The following SEMA3C variants were observed in gnomAD, a reference collection of about 807,000 sequenced individuals.
SEMA3C encodes semaphorin-3C.
In SEMA3C, 47 loss-of-function variants were observed where a neutral mutation model predicts 89.4. The ratio of observed to expected loss-of-function variants is 0.53; its 90% CI spans 0.42 to 0.67. SEMA3C has a LOEUF of 0.67. SEMA3C is among the 30% of genes least tolerant of loss of function. The pLI is 0.00. For synonymous variants in SEMA3C, 310 were observed against 320.2 expected (o/e 0.97, Z 0.34); for missense variants, 839 against 929.1 (o/e 0.90, Z 1.26).
At chr7:80,891,243 G>A (rs1191047138) in intron 2 of SEMA3C, among the ~76,000 whole-genome samples, 1 of 152,154 alleles carries the variant, frequency 6.6e-6, no homozygotes, top group Non-Finnish European at 1.5e-5. Context: ...ATCAGACATT[G>A]AAGCCCTCCT....
chr7:80,915,053 G>C (rs1277470941), intron 2 of SEMA3C, among the ~76,000 whole-genome samples: 1 of 152,170 alleles, frequency 6.6e-6, no homozygotes, highest in Non-Finnish European at 1.5e-5. Flanking sequence ...AAAGCAGGTA[G>C]AGACATCTAA....
intron 11 of SEMA3C, among the ~76,000 whole-genome samples, chr7:80,793,977 ATTT>A (rs1415803732): frequency 6.6e-6 from 1 of 151,946 alleles, no homozygotes; most frequent in Non-Finnish European, 1.5e-5. Context: ...AGAAAAACTC[ATTT>A]TATGTTTCAA....
At chr7:80,832,288 G>T (rs1328258284) in intron 2 of SEMA3C, among the ~76,000 whole-genome samples, 1 of 152,062 alleles carries the variant, frequency 6.6e-6, no homozygotes, top group East Asian at 1.9e-4. Flanking sequence ...ATATTATTTT[G>T]GGAAAACTAG....
intron 2 of SEMA3C, among the ~76,000 whole-genome samples, chr7:80,892,592 C>T (rs1163686203): frequency 6.6e-6 from 1 of 152,052 alleles, no homozygotes; most frequent in Non-Finnish European, 1.5e-5. Context: ...TCATACCTAA[C>T]AGACACTATA....
At chr7:80,891,855 A>G (rs1029875471) in intron 2 of SEMA3C, among the ~76,000 whole-genome samples, 3 of 152,130 alleles carry the variant, frequency 2.0e-5, no homozygotes, top group African/African-American at 7.2e-5. Context: ...CTAAGCAGAA[A>G]AGTCATATTA....
chr7:80,801,005 C>T (rs906732468), intron 9 of SEMA3C, among the ~76,000 whole-genome samples, 179 bp from the exon 10 acceptor site: 2 of 151,808 alleles, frequency 1.3e-5, no homozygotes, highest in Non-Finnish European at 2.9e-5. Flanking sequence ...TAAATTAATA[C>T]AGATACTAAT....
At chr7:80,807,298 A>G (rs570534462) in intron 6 of SEMA3C, among the ~76,000 whole-genome samples, 1 of 152,278 alleles carries the variant, frequency 6.6e-6, no homozygotes, top group African/African-American at 2.4e-5. Flanking sequence ...GAAAAAGAAA[A>G]AAAGATACTA....
chr7:80,872,182 G>A (rs191662137), intron 2 of SEMA3C, among the ~76,000 whole-genome samples: 5 of 151,992 alleles, frequency 3.3e-5, no homozygotes, highest in Non-Finnish European at 5.9e-5. Flanking sequence ...ACAGAGTCTC[G>A]CTCTGTCACC....
In SEMA3C at chr7:80,905,317, GGAGAGAGGGGGAGGGGTGGA is replaced by G. The variant is rs1291068426; in HGVS notation, c.103+11342_103+11361del. ...GAGGGGGAGAGAGGGGGAGAGAGGGGGAGAGAGGGGGAGGGGTGGAGAGAGAGAGAGAGAGAGACACCAAG... is the reference window on the plus strand; with the variant it reads ...GAGGGGGAGAGAGGGGGAGAGAGGGGGAGAGAGAGAGAGAGAGACACCAAG... On this transcript the variant is annotated intron_variant, in intron 2 of 17. Transcript: ENST00000265361. Among the ~76,000 whole-genome samples the G allele has an allele frequency of 4.5e-3, 234 of 51,692 alleles. 4 individuals are homozygous for G. The highest frequency in any genetic ancestry group is 0.019 in the African/African-American group (232 of 12,328). 33.9% of individuals were successfully genotyped at this position (51,692 alleles called of 152,430 possible).
intron 13 of SEMA3C, among the ~76,000 whole-genome samples, chr7:80,763,504 ACT>A (rs1401271502): frequency 2.6e-5 from 4 of 152,074 alleles, no homozygotes; most frequent in South Asian, 2.1e-4. Context: ...ATTCTGACTG[ACT>A]CTGTTTTTCC....
At chr7:80,831,494 G>A (rs1790007676) in intron 2 of SEMA3C, among the ~76,000 whole-genome samples, 1 of 152,136 alleles carries the variant, frequency 6.6e-6, no homozygotes, top group Non-Finnish European at 1.5e-5. Context: ...AATTTCTTAT[G>A]CAGGGAGGAT....
intron 12 of SEMA3C, among the ~76,000 whole-genome samples, chr7:80,770,250 G>C (rs1278714000): frequency 1.3e-5 from 2 of 152,134 alleles, no homozygotes; most frequent in African/African-American, 4.8e-5. Flanking sequence ...ATTCCAGAAT[G>C]GCCATAAAAC....
intron 2 of SEMA3C, among the ~76,000 whole-genome samples, chr7:80,912,924 T>C (rs1792186228): frequency 6.6e-6 from 1 of 152,210 alleles, no homozygotes; most frequent in Non-Finnish European, 1.5e-5. Flanking sequence ...TAACAATTCA[T>C]CAGCTTTGGG....
intron 7 of SEMA3C, among the ~76,000 whole-genome samples, 185 bp from the exon 8 acceptor site, chr7:80,804,433 C>A (rs1583893419): frequency 6.6e-6 from 1 of 151,976 alleles, no homozygotes; most frequent in African/African-American, 2.4e-5. Flanking sequence ...ATGTCGAGTA[C>A]CACAGGAAGT....
intron 4 of SEMA3C, 120 bp downstream of exon 4, chr7:80,827,305 A>G: frequency 9.5e-7 from 1 of 1,054,762 alleles, no homozygotes; most frequent in Non-Finnish European, 1.3e-6. Context: ...GCCTGTGTCC[A>G]GCAAAAATTT....
intron 6 of SEMA3C, among the ~76,000 whole-genome samples, chr7:80,807,774 ATATAAATATCTTAAG>A (rs1789376838): frequency 1.3e-5 from 2 of 152,332 alleles, no homozygotes; most frequent in Admixed American, 6.5e-5. Flanking sequence ...CATTTAATAG[ATATAAATATCTTAAG>A]CAATCTGTGC....
At chr7:80,818,195 A>C (rs185620455) in intron 5 of SEMA3C, 104 bp downstream of exon 5, 3 of 1,118,318 alleles carry the variant, frequency 2.7e-6, no homozygotes, top group African/African-American at 3.1e-5. Flanking sequence ...GGGCATGAAA[A>C]TATTTTATGA....
intron 2 of SEMA3C, among the ~76,000 whole-genome samples, chr7:80,846,810 A>G (rs1277536444): frequency 6.6e-6 from 1 of 152,226 alleles, no homozygotes; most frequent in Non-Finnish European, 1.5e-5. Flanking sequence ...TATGACGTGC[A>G]TACACTGTAT....
chr7:80,900,852 C>T (rs993929065), intron 2 of SEMA3C, among the ~76,000 whole-genome samples: 1 of 152,174 alleles, frequency 6.6e-6, no homozygotes, highest in African/African-American at 2.4e-5. Context: ...ACCTTTTCTT[C>T]CTGTGTACTG....
Sources: allele counts gnomAD v4.1 joint callset (sites outside exome capture counted in the v4.1 genomes callset), GRCh38; gene constraint gnomAD v4.1.1; transcripts MANE v1.5; gene names NCBI Gene and HGNC (gene_info 2026-07-23, HGNC 2026-07-21).